PPP3CA: variants seen among roughly 807,000 people sequenced by gnomAD.
PPP3CA encodes protein phosphatase 3 catalytic subunit alpha, also known as CAM-PRP catalytic subunit.
PPP3CA carries 14 observed loss-of-function variants against 66.5 expected under a neutral mutation model. The observed-to-expected ratio is 0.21, with a 90% CI of 0.14 to 0.33. The LOEUF (loss-of-function observed/expected upper bound fraction) is 0.33. Among genes scored for constraint, PPP3CA ranks in the 10% least tolerant of loss-of-function variants. The pLI, the probability that PPP3CA is intolerant of heterozygous loss-of-function variation, is 1.00. For synonymous variants in PPP3CA, 232 were observed against 226.2 expected (o/e 1.03, Z -0.23); for missense variants, 317 against 639.5 (o/e 0.50, Z 5.44).
rs1310067717 is a variant in PPP3CA, at chr4:101,056,870, C to T, written c.1156+4217G>A. Among the ~76,000 whole-genome samples, 5 of 150,026 alleles carry T rather than the reference C, an allele frequency of 3.3e-5. 1 individual carries two copies. Among genetic ancestry groups the T allele is most frequent in the South Asian group, 4.2e-4 (2 of 4,784 alleles). On this transcript the variant is annotated intron_variant, in intron 10 of 13. Transcript: ENST00000394854. ...AAAAAAAACAACTCACTTCAATATA[C>T]GTTGTCAATAAACAGTATTCCCAAA...
chr4:101,333,372 C>T (rs1227890462), intron 1 of PPP3CA, among the ~76,000 whole-genome samples: 1 of 145,532 alleles, frequency 6.9e-6, no homozygotes, highest in Admixed American at 6.9e-5. Flanking sequence ...CAAGTCCTCC[C>T]ACCTCAGCCT....
chr4:101,343,501 T>A (rs924759448), intron 1 of PPP3CA, among the ~76,000 whole-genome samples: 3 of 152,298 alleles, frequency 2.0e-5, no homozygotes, highest in South Asian at 4.1e-4. Context: ...GCTGTATGTA[T>A]CTTTAAAAAT....
At chr4:101,074,931 A>G (rs112944096) in intron 8 of PPP3CA, among the ~76,000 whole-genome samples, 59 of 152,294 alleles carry the variant, frequency 3.9e-4, no homozygotes, top group African/African-American at 1.3e-3. Context: ...TGTTTAATGG[A>G]CTCACAGCTC....
intron 6 of PPP3CA, among the ~76,000 whole-genome samples, chr4:101,091,432 C>A (rs1729937118): frequency 6.6e-6 from 1 of 152,062 alleles, no homozygotes; most frequent in South Asian, 2.1e-4. Flanking sequence ...AACCACATTT[C>A]CAAAATATAG....
At position 101,093,880 on chromosome 4, in the gene PPP3CA, A is replaced by G. The variant is rs749129349; in HGVS notation, c.678T>C (p.Pro226=). 1.2e-6 allele frequency: 2 copies of G among 1,612,710 alleles called. No individual in the cohort carries two copies. The highest frequency in any genetic ancestry group is 1.7e-6 in the Non-Finnish European group (2 of 1,179,244). The change falls in exon 6 of 14, where the codon CCT becomes CCC. Residue 226 remains proline (P), a synonymous_variant. Transcript: ENST00000394854. ...GGTCTGACCACAGGATATCACACAT[A>G]GGTCCATATGCAGGTGGTTCTTTGA... The part of the protein sequence containing the change: ...DRFKEPPAYG[P]MCDILWSDPL...
At chr4:101,072,796 C>T (rs1164507606) in intron 8 of PPP3CA, among the ~76,000 whole-genome samples, 2 of 151,366 alleles carry the variant, frequency 1.3e-5, no homozygotes, top group South Asian at 2.1e-4. Context: ...ATTAGCCAGG[C>T]GTGGTGGTGG....
chr4:101,197,083 C>A (rs192432805), intron 1 of PPP3CA, among the ~76,000 whole-genome samples: 40 of 152,298 alleles, frequency 2.6e-4, no homozygotes, highest in East Asian at 2.3e-3. Context: ...AAGTATCTGG[C>A]AAGCAGCATA....
chr4:101,096,362 C>T (rs1217447203), intron 5 of PPP3CA, among the ~76,000 whole-genome samples: 1 of 152,054 alleles, frequency 6.6e-6, no homozygotes, highest in Non-Finnish European at 1.5e-5. Context: ...GTTTCATTAA[C>T]AAAAGTATTA....
At position 101,109,004 on chromosome 4, in the gene PPP3CA, G is replaced by A. The variant is rs778380450; in HGVS notation, c.334C>T (p.Arg112Cys). ...ACATAGTCCCCTAAGAAGAGGTAGC[G>A]AGTGTTGGCAGGAGATCCCCCGACT... ...FEVGGSPANT[R>C]YLFLGDYVDR... The change falls in exon 3 of 14, where the codon CGC (arginine) becomes TGC (cysteine). Residue 112 changes from arginine to cysteine, a missense_variant. Physicochemically the swap from Arg to Cys is radical, Grantham distance 180. Coordinates refer to ENST00000394854, the MANE Select transcript of PPP3CA (RefSeq NM_000944.5). 5 of 1,613,532 alleles carry A rather than the reference G, an allele frequency of 3.1e-6. No individual in the cohort carries two copies. The highest frequency in any genetic ancestry group is 2.2e-5 in the East Asian group (1 of 44,830).
intron 1 of PPP3CA, among the ~76,000 whole-genome samples, chr4:101,224,645 G>A (rs917949357): frequency 6.6e-6 from 1 of 151,844 alleles, no homozygotes; most frequent in African/African-American, 2.4e-5. Flanking sequence ...AAAACCTGCC[G>A]TAGCTAATTT....
chr4:101,174,692 A>T (rs1327286956), intron 2 of PPP3CA, among the ~76,000 whole-genome samples: 1 of 152,188 alleles, frequency 6.6e-6, no homozygotes, highest in East Asian at 1.9e-4. Context: ...GTCTAAGGAC[A>T]TGAAGTGTAA....
At chr4:101,263,041 T>G (rs1431520183) in intron 1 of PPP3CA, among the ~76,000 whole-genome samples, 2 of 152,204 alleles carry the variant, frequency 1.3e-5, no homozygotes, top group African/African-American at 4.8e-5. Flanking sequence ...CACAATGCAG[T>G]GCATACTGTG....
intron 1 of PPP3CA, among the ~76,000 whole-genome samples, chr4:101,325,158 TA>T (rs751509563): frequency 6.6e-5 from 10 of 152,226 alleles, no homozygotes; most frequent in Non-Finnish European, 1.3e-4. Flanking sequence ...TTGGTAGCTT[TA>T]AAAGTTTTCC....
intron 1 of PPP3CA, among the ~76,000 whole-genome samples, chr4:101,346,447 T>C (rs1729997373): frequency 6.7e-6 from 1 of 149,098 alleles, no homozygotes; most frequent in Non-Finnish European, 1.5e-5. Flanking sequence ...GGGCGCCCCC[T>C]CCCACCACCG....
chr4:101,270,434 C>T (rs554446356), intron 1 of PPP3CA, among the ~76,000 whole-genome samples: 1 of 152,130 alleles, frequency 6.6e-6, no homozygotes, highest in South Asian at 2.1e-4. Flanking sequence ...ATGCATGATG[C>T]CATACGTTCC....
At chr4:101,206,369 C>T (rs1169822716) in intron 1 of PPP3CA, among the ~76,000 whole-genome samples, 4 of 152,168 alleles carry the variant, frequency 2.6e-5, no homozygotes, top group African/African-American at 9.7e-5. Context: ...GTTTAAAAAT[C>T]AAACATGCAT....
chr4:101,278,137 A>AT lies in PPP3CA; in HGVS notation c.58+68601_58+68602insA, dbSNP rs1560694513. ...AAGCTATTAGTAAAAAAAAAAAAAA[A>AT]AATAAAAAAATTAAAAAGTTATTTT... On this transcript the variant is annotated intron_variant, in intron 1 of 13. Coordinates refer to ENST00000394854, the MANE Select transcript of PPP3CA (RefSeq NM_000944.5). Among the ~76,000 whole-genome samples, 11 of 132,816 alleles carry AT rather than the reference A, an allele frequency of 8.3e-5. 1 individual carries two copies. The highest frequency in any genetic ancestry group is 6.3e-4 in the Admixed American group (9 of 14,328). The allele number at this position is 132,816 out of a possible 152,430, so 87.1% of individuals were successfully genotyped here.
At chr4:101,200,714 C>T (rs919225155) in intron 1 of PPP3CA, among the ~76,000 whole-genome samples, 3 of 152,062 alleles carry the variant, frequency 2.0e-5, no homozygotes, top group Admixed American at 2.0e-4. Context: ...CTAAGGAGTG[C>T]TTACACAATC....
At chr4:101,032,499 A>G (rs113149411) in intron 11 of PPP3CA, 135 bp from the exon 12 acceptor site, 7 of 677,308 alleles carry the variant, frequency 1.0e-5, no homozygotes, top group Middle Eastern at 3.7e-4. Context: ...TTTTTTTAAA[A>G]TTTTTTTTAA....
Sources: gnomAD v4.1 joint callset for allele counts (sites outside exome capture counted in the v4.1 genomes callset) on GRCh38, gnomAD v4.1.1 for gene constraint, MANE v1.5 for transcripts, NCBI Gene and HGNC (gene_info 2026-07-23, HGNC 2026-07-21) for gene names.